PKD1L1: variants seen among roughly 807,000 people sequenced by gnomAD.
PKD1L1 encodes polycystin 1 like 1, transient receptor potential channel interacting.
PKD1L1 carries 236 observed loss-of-function variants against 323.4 expected under a neutral mutation model. That is an observed-to-expected ratio of 0.73 (90% CI 0.66 to 0.81). PKD1L1 has a LOEUF of 0.81. PKD1L1 is among the 40% of genes least tolerant of loss of function. The pLI, the probability that PKD1L1 is intolerant of heterozygous loss-of-function variation, is 0.00. For missense variants in PKD1L1, 3,320 were observed against 3,508.0 expected (o/e 0.95, Z 1.35); for synonymous variants, 1,344 against 1,335.0 (o/e 1.01, Z -0.15).
chr7:47,854,920 T>C lies in PKD1L1; in HGVS notation c.4821A>G (p.Lys1607=), dbSNP rs147417448. ...ESLQIEIEFS[K]PVTRAFPVML... The stretch of plus-strand genomic sequence containing the variant: ...TGACGGGAAATGCCCTTGTAACAGG[T>C]TTGGAAAATTCAATTTCTATCTGTA... Residue 1607 remains lysine (K), a synonymous_variant, in exon 30 of 57, where the codon AAA becomes AAG. Transcript: ENST00000289672. The C allele has an allele frequency of 1.9e-6, 3 of 1,614,086 alleles. No homozygotes were observed. Among genetic ancestry groups the C allele is most frequent in the Non-Finnish European group, 2.5e-6 (3 of 1,180,024 alleles).
At chr7:47,806,223 G>A (rs1372341186) in intron 52 of PKD1L1, among the ~76,000 whole-genome samples, 1 of 152,190 alleles carries the variant, frequency 6.6e-6, no homozygotes, top group African/African-American at 2.4e-5. Flanking sequence ...GTCCGCATCA[G>A]GTGAAAAGAA....
rs747027376 is a variant in PKD1L1 at position 47,894,079 on chromosome 7, CAG to C, written c.2272-22_2272-21del. ...CTGAACCTGCAGGGGCAAGGAAGGA[CAG>C]GGGATGTCATGCAGGGACAAGGCAG... On this transcript the variant is annotated intron_variant, in intron 14 of 56. Transcript: ENST00000289672. 9 of 1,528,066 alleles carry C rather than the reference CAG, an allele frequency of 5.9e-6. No individual in the cohort carries two copies. Among genetic ancestry groups the C allele is most frequent in the African/African-American group, 2.8e-5 (2 of 72,088 alleles). 94.7% of individuals were successfully genotyped at this position (1,528,066 alleles called of 1,614,324 possible). A position where few individuals can be genotyped will look rare whatever the true frequency, so the allele number is the denominator to read the frequency against.
intron 45 of PKD1L1, among the ~76,000 whole-genome samples, chr7:47,825,639 T>C (rs948683411): frequency 2.6e-5 from 4 of 152,168 alleles, no homozygotes; most frequent in African/African-American, 4.8e-5. Flanking sequence ...GAGTTATTTC[T>C]TTCTCTTCTT....
intron 31 of PKD1L1, among the ~76,000 whole-genome samples, chr7:47,848,550 C>G (rs1182406289): frequency 1.3e-5 from 2 of 152,228 alleles, no homozygotes; most frequent in African/African-American, 2.4e-5. Context: ...TGGCTCACGC[C>G]TGTAATCCCA....
In PKD1L1 at chr7:47,839,175, C is replaced by A. The variant is rs1451614686; in HGVS notation, c.5769+271G>T. ...ACAGGGCTCTGGACATCACAGACCA[C>A]CAGCAACCATAAATTCCAGCAATGC... On this transcript the variant is annotated intron_variant, in intron 36 of 56. Coordinates refer to ENST00000289672, the MANE Select transcript of PKD1L1 (RefSeq NM_138295.5). The surrounding 1 kb of genome is among the most constrained non-coding windows in gnomAD (Gnocchi z 4.3). 1.3e-5 allele frequency among the ~76,000 whole-genome samples: 2 copies of A among 152,122 alleles called. No homozygotes were observed. Among genetic ancestry groups the A allele is most frequent in the Non-Finnish European group, 2.9e-5 (2 of 68,024 alleles).
rs1450548925 is a variant in PKD1L1 at position 47,943,403 on chromosome 7, C to T, written c.153G>A (p.Leu51=). 6.2e-7 allele frequency: 1 copy of T among 1,612,898 alleles called. No homozygotes were observed. The highest frequency in any genetic ancestry group is 1.3e-5 in the African/African-American group (1 of 74,852). The stretch of plus-strand genomic sequence containing the variant: ...CCTTCCCCAAGGCCTTACCGACCCA[C>T]AATCCACCTCCAGGAGGGCTACAGC... ...LCSCSPPGGG[L]WVEVYANHVL... is the part of the protein sequence containing the mutation. Residue 51 remains leucine, a synonymous_variant, in exon 2 of 57, where the codon TTG becomes TTA. Transcript: ENST00000289672.
At chr7:47,941,283 G>C (rs1787980703) in intron 2 of PKD1L1, among the ~76,000 whole-genome samples, 1 of 152,208 alleles carries the variant, frequency 6.6e-6, no homozygotes, top group Non-Finnish European at 1.5e-5. Flanking sequence ...ATTCTGGCCA[G>C]CTTTGCTCAG....
chr7:47,839,135 G>C lies in PKD1L1; in HGVS notation c.5769+311C>G, dbSNP rs1051609884. 6.6e-6 allele frequency among the ~76,000 whole-genome samples: 1 copy of C among 152,080 alleles called. No individual in the cohort carries two copies. Among genetic ancestry groups the C allele is most frequent in the Non-Finnish European group, 1.5e-5 (1 of 68,004 alleles). On this transcript the variant is annotated intron_variant, in intron 36 of 56. Transcript: ENST00000289672. The surrounding 1 kb of genome is among the most constrained non-coding windows in gnomAD (Gnocchi z 4.3). ...TTGTTTGGGACACACATAGGGCACT[G>C]AAAAGTCTTTAATTACAGGGCTCTG...
In PKD1L1 at chr7:47,877,591, C is replaced by G. The variant is rs1353567769; in HGVS notation, c.3561G>C (p.Leu1187Phe). ...HGLLGKAQLY[L>F]TVNPAPRDMA... ...TGTCCCGAGGAGCCGGGTTGACTGT[C>G]AAGTACAGCTGAGCTTTACCCAGTA... Residue 1187 changes from leucine to phenylalanine, a missense_variant, in exon 22 of 57, where the codon TTG (leucine) becomes TTC (phenylalanine). Leu to Phe is a conservative substitution (Grantham distance 22). Transcript: ENST00000289672. 6.2e-7 allele frequency: 1 copy of G among 1,614,044 alleles called. No homozygotes were observed. The highest frequency in any genetic ancestry group is 1.3e-5 in the African/African-American group (1 of 74,918).
intron 7 of PKD1L1, among the ~76,000 whole-genome samples, chr7:47,926,960 C>T (rs1384688408): frequency 1.3e-5 from 2 of 152,200 alleles, no homozygotes; most frequent in Non-Finnish European, 2.9e-5. Context: ...GACACTGAGC[C>T]AAATGGGTGG....
At chr7:47,845,576 A>G (rs1436741316) in intron 32 of PKD1L1, among the ~76,000 whole-genome samples, 1 of 152,070 alleles carries the variant, frequency 6.6e-6, no homozygotes, top group Non-Finnish European at 1.5e-5. Flanking sequence ...GGTGTTATTG[A>G]TTTATTTTAA....
intron 56 of PKD1L1, among the ~76,000 whole-genome samples, chr7:47,787,687 C>G (rs189028008): frequency 5.7e-4 from 87 of 152,236 alleles, no homozygotes; most frequent in African/African-American, 2.0e-3. Flanking sequence ...GAGCCATACG[C>G]CTTTAAAATG....
chr7:47,872,000 T>C (rs1448961580), intron 24 of PKD1L1, among the ~76,000 whole-genome samples: 1 of 152,144 alleles, frequency 6.6e-6, no homozygotes, highest in African/African-American at 2.4e-5. Flanking sequence ...TAGTGACAGA[T>C]GACATGATCT....
chr7:47,775,036 G>A lies in PKD1L1; in HGVS notation c.*107C>T, dbSNP rs995988141. ...CTGGAAAAATTAACAAAACTTCTTC[G>A]TACCTCAGCTCTTCTCACCTGCAAA... On this transcript the variant is annotated 3_prime_UTR_variant, in exon 57 of 57. Transcript: ENST00000289672. The A allele has an allele frequency of 3.3e-5, 40 of 1,196,810 alleles. No homozygotes were observed. In the Middle Eastern group the frequency reaches 5.9e-4, roughly 18 times the overall value. The allele number at this position is 1,196,810 out of a possible 1,614,324, so 74.1% of individuals were successfully genotyped here. A position where few individuals can be genotyped will look rare whatever the true frequency, so the allele number is the denominator to read the frequency against.
chr7:47,914,940 T>C (rs1010502711), intron 8 of PKD1L1, among the ~76,000 whole-genome samples: 5 of 152,208 alleles, frequency 3.3e-5, no homozygotes, highest in Non-Finnish European at 5.9e-5. Flanking sequence ...ATGCTGCTCC[T>C]AACACTGACC....
rs1265892507 is a variant in PKD1L1, at chr7:47,842,982, G to A, written c.5425C>T (p.Pro1809Ser). ...GCTACCTTTGAGGTCAACCTGGCCG[G>A]AGCTCGGAAGCCAGTGTCAATGACG... ...AVVIDTGFRA[P>S]ARLTSKVYIV... The change falls in exon 34 of 57, where the codon CCG (proline) becomes TCG (serine). Residue 1809 changes from proline (P) to serine (S), a missense_variant. Transcript: ENST00000289672. 6.2e-7 allele frequency: 1 copy of A among 1,613,382 alleles called. No individual in the cohort carries two copies. The highest frequency in any genetic ancestry group is 2.2e-5 in the East Asian group (1 of 44,888).
At chr7:47,951,517 C>A (rs1257897588), upstream of PKD1L1, among the ~76,000 whole-genome samples, 1 of 152,176 alleles carries the variant, frequency 6.6e-6, no homozygotes, top group Non-Finnish European at 1.5e-5. Flanking sequence ...AGAATGAATA[C>A]CTGAAAGTAG....
In PKD1L1 at chr7:47,929,199, CT is replaced by C. The variant is rs781240034; in HGVS notation, c.1060+4del. The stretch of plus-strand genomic sequence containing the variant: ...GGCTCCTGATAAGGACACCATGCAC[CT>C]TACCTTTTGAGTACTGGTGGTAGGC... On this transcript the variant is annotated splice_donor_region_variant and intron_variant, in intron 7 of 56. Transcript: ENST00000289672. 2.5e-6 allele frequency: 4 copies of C among 1,612,924 alleles called. No individual in the cohort carries two copies. Among genetic ancestry groups the C allele is most frequent in the Non-Finnish European group, 3.4e-6 (4 of 1,179,156 alleles).
Position 47,833,244 on chromosome 7 carries a change from T to C in PKD1L1, c.6183A>G (p.Ala2061=). The change falls in exon 41 of 57, where the codon GCA becomes GCG. Residue 2061 remains alanine, a synonymous_variant. Transcript: ENST00000289672. The part of the protein sequence containing the change: ...PDAQEPRKQP[A]SAILSGSGRA... ...TGCCACTCCCAGAGAGAATGGCTGA[T>C]GCAGGTTGCTAGAATGACAAGGTCA... The C allele has an allele frequency of 1.2e-6, 2 of 1,612,744 alleles. No homozygotes were observed. Among genetic ancestry groups the C allele is most frequent in the Non-Finnish European group, 1.7e-6 (2 of 1,179,328 alleles).
Sources: allele counts gnomAD v4.1 joint callset (sites outside exome capture counted in the v4.1 genomes callset), GRCh38; gene constraint gnomAD v4.1.1; non-coding constraint Gnocchi (gnomAD v3.1); transcripts MANE v1.5; gene names NCBI Gene and HGNC (gene_info 2026-07-23, HGNC 2026-07-21).